Variants in FRMD1 observed in about 807,000 individuals in gnomAD.
The protein encoded by FRMD1 is FERM domain-containing protein 1.
FRMD1 carries 51 observed loss-of-function variants against 54.9 expected under a neutral mutation model. The observed-to-expected ratio is 0.93, with a 90% CI of 0.74 to 1.17. The LOEUF (loss-of-function observed/expected upper bound fraction) is 1.17, where lower values mean the gene tolerates loss of function less well. FRMD1 is among the 50% of genes most tolerant of loss of function. FRMD1 has a pLI of 0.00. For synonymous variants in FRMD1, 324 were observed against 306.4 expected (o/e 1.06, Z -0.60); for missense variants, 729 against 743.0 (o/e 0.98, Z 0.22).
rs1799329679 is a variant in FRMD1, at chr6:168,053,733, T to C, written c.*3364A>G. 1 of 152,250 alleles carries C rather than the reference T, an allele frequency of 6.6e-6. No homozygotes were observed. Among genetic ancestry groups the C allele is most frequent in the Non-Finnish European group, 1.5e-5 (1 of 68,062 alleles). 9.4% of individuals were successfully genotyped at this position (152,250 alleles called of 1,614,324 possible). A position where few individuals can be genotyped will look rare whatever the true frequency, so the allele number is the denominator to read the frequency against. On this transcript the variant is annotated 3_prime_UTR_variant, in exon 11 of 11. Transcript: ENST00000283309. Reference sequence around the variant, plus strand: ...CAGCTTTCCCCGTGGCTCTGGCACATTTCCCCCGCCTGGGGAACCCAGAGT... The same window carrying C: ...CAGCTTTCCCCGTGGCTCTGGCACACTTCCCCCGCCTGGGGAACCCAGAGT...
At chr6:168,070,840 C>A (rs1216716608) in intron 2 of FRMD1, among the ~76,000 whole-genome samples, 1 of 152,186 alleles carries the variant, frequency 6.6e-6, no homozygotes, top group Non-Finnish European at 1.5e-5. Flanking sequence ...GCTGGAGGAC[C>A]GGCATCTTGC....
chr6:168,081,815 T>C, upstream of FRMD1: 2 of 371,374 alleles, frequency 5.4e-6, no homozygotes, highest in Non-Finnish European at 9.7e-6. Context: ...CGAGGTGTCC[T>C]CTGGGGGTGG....
intron 2 of FRMD1, among the ~76,000 whole-genome samples, chr6:168,073,465 G>GC (rs1164639805): frequency 6.6e-6 from 1 of 152,094 alleles, no homozygotes; most frequent in Non-Finnish European, 1.5e-5. Context: ...TATTCCCTCT[G>GC]CCCCCCAGGG....
At chr6:168,066,549 A>C (rs565465294) in intron 4 of FRMD1, 1 of 1,288,688 alleles carries the variant, frequency 7.8e-7, no homozygotes, top group East Asian at 3.1e-5. Context: ...AAGAAGTACC[A>C]ATTTATGACA....
At chr6:168,089,911 A>G (rs1800986673) in intron 1 of FRMD1, among the ~76,000 whole-genome samples, 1 of 152,150 alleles carries the variant, frequency 6.6e-6, no homozygotes, top group South Asian at 2.1e-4. Flanking sequence ...GTGCCCTGTC[A>G]TCCGTTTATT....
intron 10 of FRMD1, chr6:168,057,871 G>A (rs934352318): frequency 1.6e-5 from 3 of 182,660 alleles, no homozygotes; most frequent in Non-Finnish European, 2.3e-5. Flanking sequence ...GCTCCCAGGA[G>A]GCAGATGAGG....
In FRMD1 at chr6:168,064,900, A is replaced by G. The variant is rs753428867; in HGVS notation, c.619T>C (p.Phe207Leu). ...TGTGGGAAGTAGGAGTGTGGCTCGA[A>G]GTACCTCCCGGCATGGGCCGACTCC... ...HRESAHAGRY[F>L]EPHSYFPQWI... Residue 207 changes from phenylalanine to leucine, a missense_variant, in exon 5 of 11, where the codon TTC becomes CTC. Coordinates refer to ENST00000283309, the MANE Select transcript of FRMD1 (RefSeq NM_024919.6). 7 of 1,588,190 alleles carry G rather than the reference A, an allele frequency of 4.4e-6. No individual in the cohort carries two copies. Among genetic ancestry groups the G allele is most frequent in the Non-Finnish European group, 6.0e-6 (7 of 1,167,942 alleles).
intron 8 of FRMD1, among the ~76,000 whole-genome samples, chr6:168,061,447 C>G (rs1799730527): frequency 6.6e-6 from 1 of 152,106 alleles, no homozygotes; most frequent in Non-Finnish European, 1.5e-5. Context: ...GGATGTGGAA[C>G]AGGAAGGGAG....
chr6:168,080,201 C>T (rs7762863), upstream of FRMD1, among the ~76,000 whole-genome samples: 1,308 of 152,042 alleles, frequency 8.6e-3, 17 homozygotes, highest in African/African-American at 0.028. Context: ...CCCTAAGGCC[C>T]GGCCCGGTGG....
chr6:168,071,205 C>G (rs1162538544), intron 2 of FRMD1, among the ~76,000 whole-genome samples: 67 of 152,224 alleles, frequency 4.4e-4, no homozygotes, highest in Admixed American at 4.3e-3. Context: ...CTCTATTCCT[C>G]TCTGTCTCTG....
intron 1 of FRMD1, among the ~76,000 whole-genome samples, chr6:168,089,928 A>C (rs1281456322): frequency 6.6e-6 from 1 of 152,096 alleles, no homozygotes; most frequent in African/African-American, 2.4e-5. Flanking sequence ...TATTTAAGGG[A>C]CGTGCTGCCC....
upstream of FRMD1, among the ~76,000 whole-genome samples, chr6:168,082,754 G>A (rs780512333): frequency 1.8e-4 from 28 of 152,162 alleles, no homozygotes; most frequent in Non-Finnish European, 3.1e-4. Flanking sequence ...AACAAACCAC[G>A]AAAGCCTCGT....
intron 2 of FRMD1, 108 bp from the exon 3 acceptor site, chr6:168,067,554 A>G: frequency 1.4e-6 from 1 of 699,914 alleles, no homozygotes; most frequent in Non-Finnish European, 2.5e-6. Context: ...ACAGCTGAAA[A>G]CTGTGCGTCT....
rs185769536 is a variant in FRMD1, at chr6:168,078,611, C to T, written c.213+271G>A. 4.9e-3 allele frequency among the ~76,000 whole-genome samples: 645 copies of T among 131,852 alleles called. 9 individuals are homozygous for T. Among genetic ancestry groups the T allele is most frequent in the African/African-American group, 0.018 (587 of 33,370 alleles). 86.5% of individuals were successfully genotyped at this position (131,852 alleles called of 152,430 possible). A position where few individuals can be genotyped will look rare whatever the true frequency, so the allele number is the denominator to read the frequency against. On this transcript the variant is annotated intron_variant, in intron 1 of 10. Coordinates refer to ENST00000283309, the MANE Select transcript of FRMD1 (RefSeq NM_024919.6). Reference sequence around the variant, plus strand: ...ACCCCCACGGCTCTGCTCACCCTCACGGCCCTGCTCACCCCCACAGCCTTG... The same window carrying T: ...ACCCCCACGGCTCTGCTCACCCTCATGGCCCTGCTCACCCCCACAGCCTTG...
intron 2 of FRMD1, among the ~76,000 whole-genome samples, chr6:168,074,946 C>G (rs546868167): frequency 6.8e-6 from 1 of 147,476 alleles, no homozygotes; most frequent in Admixed American, 6.8e-5. Context: ...TGTAACTGCA[C>G]GTGTGTGGCG....
upstream of FRMD1, among the ~76,000 whole-genome samples, chr6:168,085,205 C>T (rs1192592253): frequency 2.0e-5 from 3 of 152,234 alleles, no homozygotes; most frequent in South Asian, 2.1e-4. Context: ...TCCTAGAGAA[C>T]TAGAAAGGCC....
At position 168,059,827 on chromosome 6, in the gene FRMD1, G is replaced by A. The variant is rs1328950927; in HGVS notation, c.1343-639C>T. On this transcript the variant is annotated intron_variant, in intron 9 of 10. Coordinates refer to ENST00000283309, the MANE Select transcript of FRMD1 (RefSeq NM_024919.6). The surrounding 1 kb of genome is among the most constrained non-coding windows in gnomAD (Gnocchi z 4.4). ...ACACACAGTCCTACACACAGGGAAT[G>A]GGCAGGGTGCATCCCTCAGGACAAG... Among the ~76,000 whole-genome samples, 1 of 152,042 alleles carries A rather than the reference G, an allele frequency of 6.6e-6. No individual in the cohort carries two copies. Among genetic ancestry groups the A allele is most frequent in the African/African-American group, 2.4e-5 (1 of 41,390 alleles).
Position 168,062,910 on chromosome 6 carries a change from C to A in FRMD1, c.854G>T (p.Gly285Val), listed in dbSNP as rs758352649. ...PTVILGLALR[G>V]VHIYQGKKLE... The stretch of plus-strand genomic sequence containing the variant: ...TTCGGTCACCTGGTAGATGTGCACT[C>A]CCCTGAGGGCCAGTCCCAGGATCAC... The change falls in exon 7 of 11, where the codon GGA becomes GTA. Residue 285 changes from glycine (G) to valine (V), a missense_variant. Gly to Val is a moderately radical substitution (Grantham distance 109, BLOSUM62 -3). Transcript: ENST00000283309. 15 of 1,613,956 alleles carry A rather than the reference C, an allele frequency of 9.3e-6. No individual in the cohort carries two copies. The highest frequency in any genetic ancestry group is 1.3e-5 in the Non-Finnish European group (15 of 1,179,888).
At chr6:168,071,436 A>C (rs1800302429) in intron 2 of FRMD1, among the ~76,000 whole-genome samples, 1 of 152,228 alleles carries the variant, frequency 6.6e-6, no homozygotes, top group African/African-American at 2.4e-5. Context: ...TCCTCGGGTC[A>C]AGAAGGCCCT....
Sources: allele counts gnomAD v4.1 joint callset (sites outside exome capture counted in the v4.1 genomes callset), GRCh38; gene constraint gnomAD v4.1.1; non-coding constraint Gnocchi (gnomAD v3.1); transcripts MANE v1.5; gene names NCBI Gene and HGNC (gene_info 2026-07-23, HGNC 2026-07-21).